CHD1L: variants seen among roughly 807,000 people sequenced by gnomAD.
CHD1L encodes ATP-dependent chromatin remodeler CHD1L.
CHD1L carries 118 observed loss-of-function variants against 115.9 expected under a neutral mutation model. That is an observed-to-expected ratio of 1.02 (90% CI 0.88 to 1.19). CHD1L has a LOEUF of 1.19. Ranked by LOEUF, CHD1L falls within the 50% of genes most tolerant of loss-of-function variation. The probability of loss-of-function intolerance (pLI) is 0.00; values close to 1 mark genes in which losing one functional copy is unlikely to be tolerated. For missense variants in CHD1L, 1,179 were observed against 1,065.3 expected (o/e 1.11, Z -1.49); for synonymous variants, 411 against 387.1 (o/e 1.06, Z -0.72).
At chr1:147,243,589 T>G (rs1168088651) in intron 1 of CHD1L, among the ~76,000 whole-genome samples, 2 of 152,158 alleles carry the variant, frequency 1.3e-5, no homozygotes, top group Admixed American at 1.3e-4. Flanking sequence ...GCTCTCCTCC[T>G]GGGTCTGCGC....
upstream of CHD1L, among the ~76,000 whole-genome samples, chr1:147,240,486 A>G (rs1238691586): frequency 1.3e-5 from 2 of 152,146 alleles, no homozygotes; most frequent in East Asian, 3.9e-4. Flanking sequence ...GAAGGGAAAG[A>G]CCTGACCGTC....
chr1:147,207,523 C>T, the CHD1L span, among the ~76,000 whole-genome samples: 1 of 152,174 alleles, frequency 6.6e-6, no homozygotes, highest in Non-Finnish European at 1.5e-5. Context: ...AATCTGTCCT[C>T]TTTCTTCTCA....
At chr1:147,229,420 T>C in the CHD1L span, among the ~76,000 whole-genome samples, 4 of 152,176 alleles carry the variant, frequency 2.6e-5, no homozygotes, top group Admixed American at 1.3e-4. Flanking sequence ...AGCCTTGTAG[T>C]ATAGTTTGAA....
intron 13 of CHD1L, 22 bp from the exon 14 acceptor site, chr1:147,276,081 AC>A (rs782063578): frequency 6.2e-7 from 1 of 1,613,262 alleles, no homozygotes; most frequent in South Asian, 1.1e-5. Context: ...ATAGCACACT[AC>A]CCTTGTTTGA....
At chr1:147,273,016 A>G (rs1166412350) in intron 12 of CHD1L, among the ~76,000 whole-genome samples, 1 of 152,110 alleles carries the variant, frequency 6.6e-6, no homozygotes, top group African/African-American at 2.4e-5. Context: ...CCTGGCCAAC[A>G]TGGTGAAACC....
the CHD1L span, chr1:147,174,953 C>T: frequency 2.6e-5 from 4 of 152,150 alleles, no homozygotes; most frequent in African/African-American, 9.7e-5. Flanking sequence ...TGGGCAGCCT[C>T]ACATGCAAGC....
the CHD1L span, among the ~76,000 whole-genome samples, chr1:147,233,955 T>C: frequency 6.6e-6 from 1 of 152,152 alleles, no homozygotes; most frequent in South Asian, 2.1e-4. Context: ...ACACAAACAC[T>C]GCGGAAGGCG....
At chr1:147,274,333 G>A (rs1483121101) in intron 12 of CHD1L, among the ~76,000 whole-genome samples, 1 of 152,092 alleles carries the variant, frequency 6.6e-6, no homozygotes, top group Non-Finnish European at 1.5e-5. Flanking sequence ...ATTATTATTA[G>A]GTATAATTTA....
the CHD1L span, chr1:147,209,024 A>G: frequency 1.2e-6 from 2 of 1,614,178 alleles, no homozygotes; most frequent in Non-Finnish European, 1.7e-6. Context: ...TTCAGGATCC[A>G]AGCCCCTCTC....
intron 1 of CHD1L, among the ~76,000 whole-genome samples, chr1:147,244,606 C>G (rs1665994525): frequency 6.6e-6 from 1 of 152,102 alleles, no homozygotes; most frequent in Admixed American, 6.5e-5. Context: ...AACATGTTCT[C>G]TATCCTGTAT....
At chr1:147,276,717 G>A (rs1216709431) in intron 14 of CHD1L, among the ~76,000 whole-genome samples, 1 of 152,152 alleles carries the variant, frequency 6.6e-6, no homozygotes, top group African/African-American at 2.4e-5. Flanking sequence ...AGAACTAGAG[G>A]TAATTTATTT....
upstream of CHD1L, among the ~76,000 whole-genome samples, chr1:147,240,549 A>G (rs1384459551): frequency 6.6e-6 from 1 of 152,076 alleles, no homozygotes; most frequent in South Asian, 2.1e-4. Context: ...AGTAAAAGAG[A>G]AAGGAAGGCC....
In CHD1L at chr1:147,264,510, C is replaced by T. The variant is rs587632403; in HGVS notation, c.665C>T (p.Pro222Leu). Residue 222 changes from proline (P) to leucine (L), a missense_variant, in exon 7 of 23, where the codon CCT (proline) becomes CTT (leucine). Pro to Leu is a moderately conservative substitution (Grantham distance 98). Coordinates refer to ENST00000369258, the MANE Select transcript of CHD1L (RefSeq NM_004284.6). ...TACTCCCTCCTCAGTTTTGTGGAGC[C>T]TGATCTCTTTTCCAAGGAAGAGGTG... ...ELYSLLSFVE[P>L]DLFSKEEVGD... The T allele has an allele frequency of 4.3e-6, 7 of 1,614,088 alleles. No individual in the cohort carries two copies. The East Asian group carries it at 1.3e-4, about 31-fold the overall frequency.
chr1:147,294,624 G>T, intron 22 of CHD1L, 107 bp downstream of exon 22: 1 of 766,430 alleles, frequency 1.3e-6, no homozygotes. Flanking sequence ...TCCTGCCACA[G>T]TCTTTACTTT....
chr1:147,280,443 T>C (rs1362575285), intron 15 of CHD1L, among the ~76,000 whole-genome samples: 7 of 152,196 alleles, frequency 4.6e-5, no homozygotes, highest in African/African-American at 1.7e-4. Context: ...ATAGTATCAA[T>C]CTTAAGGCTT....
At chr1:147,232,633 C>T in the CHD1L span, among the ~76,000 whole-genome samples, 203 of 150,276 alleles carry the variant, frequency 1.4e-3, no homozygotes, top group African/African-American at 4.6e-3. Context: ...CGAGTGCCTG[C>T]GATTGCAGGC....
chr1:147,281,133 GC>G (rs1320969998), intron 15 of CHD1L, among the ~76,000 whole-genome samples: 4 of 152,112 alleles, frequency 2.6e-5, no homozygotes, highest in Admixed American at 6.5e-5. Flanking sequence ...CTCTCTCCCT[GC>G]CAGAAGCAAT....
the CHD1L span, chr1:147,186,920 T>A: frequency 6.2e-7 from 1 of 1,613,774 alleles, no homozygotes; most frequent in Admixed American, 1.7e-5. Flanking sequence ...GCTATAATTA[T>A]AGCAAAGAAG....
intron 14 of CHD1L, among the ~76,000 whole-genome samples, chr1:147,278,467 T>C (rs1374919850): frequency 1.3e-5 from 2 of 151,212 alleles, no homozygotes; most frequent in South Asian, 2.1e-4. Context: ...TTGTGATCCG[T>C]CCACCTCGGC....
Sources: gnomAD v4.1 joint callset for allele counts (sites outside exome capture counted in the v4.1 genomes callset) on GRCh38, gnomAD v4.1.1 for gene constraint, MANE v1.5 for transcripts, NCBI Gene and HGNC (gene_info 2026-07-23, HGNC 2026-07-21) for gene names.